LINGO2: variants seen among roughly 807,000 people sequenced by gnomAD.
LINGO2 encodes leucine-rich repeat and immunoglobulin-like domain-containing nogo receptor-interacting protein 2.
LINGO2 carries 14 observed loss-of-function variants against 30.6 expected under a neutral mutation model. The ratio of observed to expected loss-of-function variants is 0.46; its 90% CI spans 0.30 to 0.72. The LOEUF (loss-of-function observed/expected upper bound fraction) is 0.72, where lower values mean the gene tolerates loss of function less well. Ranked by LOEUF, LINGO2 falls within the 30% of genes least tolerant of loss-of-function variation. LINGO2 has a pLI of 0.07. For synonymous variants in LINGO2, 317 were observed against 288.5 expected (o/e 1.10, Z -1.00); for missense variants, 729 against 751.7 (o/e 0.97, Z 0.35).
rs149202363 is a variant in LINGO2, at chr9:28,052,420, G to A, written c.-86-40015C>T. Among the ~76,000 whole-genome samples, 744 of 152,118 alleles carry A rather than the reference G, an allele frequency of 4.9e-3. 3 individuals are homozygous for A. The highest frequency in any genetic ancestry group is 0.017 in the African/African-American group (710 of 41,524). ...GTTAGTAGCCACTGTGGGGAATTTG[G>A]GGGGTTCCAAGAAGCTAGAGAGCAC... On this transcript the variant is annotated intron_variant, in intron 4 of 5. Transcript: ENST00000379992.
intron 3 of LINGO2, among the ~76,000 whole-genome samples, chr9:28,316,835 T>A (rs969567263): frequency 6.6e-6 from 1 of 152,274 alleles, no homozygotes; most frequent in Admixed American, 6.5e-5. Context: ...GGATGATTAG[T>A]AAAAATTAGG....
rs368600509 is a variant in LINGO2, at chr9:28,117,520, C to T, written c.-86-105115G>A. 2.9e-4 allele frequency among the ~76,000 whole-genome samples: 24 copies of T among 81,716 alleles called. 1 individual carries two copies. Among genetic ancestry groups the T allele is most frequent in the African/African-American group, 9.6e-4 (20 of 20,914 alleles). 53.6% of individuals were successfully genotyped at this position (81,716 alleles called of 152,430 possible). On this transcript the variant is annotated intron_variant, in intron 4 of 5. Coordinates refer to ENST00000379992, the Ensembl canonical transcript of LINGO2. ...CGCCCCTCCCCCAGCCTCGTTGCCG[C>T]CTTGCAGTTTGATCTCAGACTGCTG...
intron 1 of LINGO2, among the ~76,000 whole-genome samples, chr9:28,665,859 G>A (rs983918619): frequency 1.3e-5 from 2 of 150,638 alleles, no homozygotes; most frequent in African/African-American, 4.9e-5. Flanking sequence ...TATATTTTAT[G>A]ATGAGTACCA....
At position 27,983,937 on chromosome 9, in the gene LINGO2, C is replaced by T. The variant is rs189871287; in HGVS notation, c.-36+28418G>A. ...TCCTTTTCTTGTCCTCCAAGATGGG[C>T]GTGGTCTTGCACAGTTCCAGGGCTG... On this transcript the variant is annotated intron_variant, in intron 5 of 5. Transcript: ENST00000379992. Among the ~76,000 whole-genome samples the T allele has an allele frequency of 1.3e-4, 19 of 151,842 alleles. No homozygotes were observed. In the East Asian group the frequency reaches 2.3e-3, roughly 19 times the overall value.
At chr9:28,196,621 T>A (rs1301372317) in intron 4 of LINGO2, among the ~76,000 whole-genome samples, 1 of 151,992 alleles carries the variant, frequency 6.6e-6, no homozygotes, top group Non-Finnish European at 1.5e-5. Context: ...TGCAAAATTG[T>A]GCCATTTTTT....
the LINGO2 span, among the ~76,000 whole-genome samples, chr9:28,813,105 A>C: frequency 6.6e-6 from 1 of 151,142 alleles, no homozygotes; most frequent in African/African-American, 2.4e-5. Context: ...GGGTATCATC[A>C]CGTAGATTGT....
chr9:28,356,946 T>TA (rs11392362), intron 3 of LINGO2, among the ~76,000 whole-genome samples: 151,866 of 152,214 alleles, frequency 1, 75,759 homozygotes, highest in Non-Finnish European at 1. Flanking sequence ...CTGAGAATTT[T>TA]AAAGGGCTAC....
At chr9:28,031,277 C>T (rs893321396) in intron 4 of LINGO2, among the ~76,000 whole-genome samples, 1 of 151,648 alleles carries the variant, frequency 6.6e-6, no homozygotes, top group Admixed American at 6.6e-5. Context: ...TAAAATGGGA[C>T]CATCCACCAT....
chr9:29,091,074 C>A, the LINGO2 span, among the ~76,000 whole-genome samples: 1 of 151,962 alleles, frequency 6.6e-6, no homozygotes, highest in East Asian at 1.9e-4. Flanking sequence ...AGATTTTCAT[C>A]TTTTCTATTT....
intron 1 of LINGO2, among the ~76,000 whole-genome samples, chr9:28,543,509 G>A (rs573820673): frequency 3.3e-5 from 5 of 152,010 alleles, no homozygotes; most frequent in Non-Finnish European, 4.4e-5. Context: ...GACCACTTGG[G>A]ACTGAGCAAC....
intron 4 of LINGO2, among the ~76,000 whole-genome samples, chr9:28,042,990 T>A (rs2778427): frequency 0.75 from 113,514 of 152,010 alleles, 44,332 homozygotes; most frequent in Non-Finnish European, 0.87. Flanking sequence ...ACTTTAAGGG[T>A]CTAATGCAAT....
In LINGO2 at chr9:28,561,770, TATATATATATAA is replaced by T. The variant is rs944838374; in HGVS notation, c.-364-85757_-364-85746del. On this transcript the variant is annotated intron_variant, in intron 1 of 5. Transcript: ENST00000379992. Reference sequence around the variant, plus strand: ...GTGTGTATATATATATATATATATATATATATATATAAAAAATATGCTACTAGAACTGAAAAA... The same window carrying T: ...GTGTGTATATATATATATATATATATAAAATATGCTACTAGAACTGAAAAA... Among the ~76,000 whole-genome samples the T allele has an allele frequency of 6.9e-3, 954 of 137,924 alleles. 117 individuals are homozygous for T. Among genetic ancestry groups the T allele is most frequent in the Non-Finnish European group, 8.2e-3 (528 of 64,306 alleles). 90.5% of individuals were successfully genotyped at this position (137,924 alleles called of 152,430 possible). A position where few individuals can be genotyped will look rare whatever the true frequency, so the allele number is the denominator to read the frequency against.
At chr9:28,690,063 A>T in the LINGO2 span, among the ~76,000 whole-genome samples, 1 of 151,994 alleles carries the variant, frequency 6.6e-6, no homozygotes, top group East Asian at 1.9e-4. Flanking sequence ...ACACAATACA[A>T]CCTGTCGGAG....
chr9:29,035,168 T>C, the LINGO2 span, among the ~76,000 whole-genome samples: 4 of 151,974 alleles, frequency 2.6e-5, no homozygotes, highest in Non-Finnish European at 2.9e-5. Context: ...ATCTCGAAAA[T>C]TATAAAACCA....
the LINGO2 span, among the ~76,000 whole-genome samples, chr9:28,749,294 A>G: frequency 3.3e-5 from 5 of 152,106 alleles, no homozygotes; most frequent in South Asian, 8.3e-4. Context: ...AGCCTTTTAC[A>G]TTGTATCTTA....
At chr9:28,475,056 G>A (rs1825676739) in intron 2 of LINGO2, among the ~76,000 whole-genome samples, 2 of 152,048 alleles carry the variant, frequency 1.3e-5, no homozygotes, top group African/African-American at 4.8e-5. Context: ...CAGAGAGTCT[G>A]AGAAGCACTG....
the LINGO2 span, among the ~76,000 whole-genome samples, chr9:29,178,167 C>T: frequency 6.6e-6 from 1 of 151,778 alleles, no homozygotes; most frequent in African/African-American, 2.4e-5. Flanking sequence ...GTAATTCTCC[C>T]ACCTCAGCCT....
the LINGO2 span, among the ~76,000 whole-genome samples, chr9:29,037,813 A>C: frequency 6.6e-6 from 1 of 152,036 alleles, no homozygotes; most frequent in African/African-American, 2.4e-5. Context: ...TTAAAACCAC[A>C]TACTTGATAG....
At chr9:29,101,057 C>T in the LINGO2 span, among the ~76,000 whole-genome samples, 5 of 152,138 alleles carry the variant, frequency 3.3e-5, no homozygotes, top group Non-Finnish European at 4.4e-5. Flanking sequence ...ACCATTCTTC[C>T]TAATAGAGTA....
Sources: gnomAD v4.1 joint callset for allele counts (sites outside exome capture counted in the v4.1 genomes callset) on GRCh38, gnomAD v4.1.1 for gene constraint, MANE v1.5 for transcripts, NCBI Gene and HGNC (gene_info 2026-07-23, HGNC 2026-07-21) for gene names.